Variants in EXOC6B observed in about 807,000 individuals in gnomAD.
EXOC6B encodes SEC15 homolog B.
In EXOC6B, 54 loss-of-function variants were observed where a neutral mutation model predicts 113.5. The observed-to-expected ratio is 0.48, with a 90% CI of 0.38 to 0.60. EXOC6B has a LOEUF of 0.60. Ranked by LOEUF, EXOC6B falls within the 20% of genes least tolerant of loss-of-function variation. EXOC6B has a pLI of 0.00. For missense variants in EXOC6B, 797 were observed against 977.5 expected, an observed-to-expected ratio of 0.82 and a Z score of 2.46; for synonymous variants, 357 against 339.0, an observed-to-expected ratio of 1.05 and a Z score of -0.58.
intron 17 of EXOC6B, among the ~76,000 whole-genome samples, chr2:72,476,093 T>C (rs965881009): frequency 2.6e-5 from 4 of 152,346 alleles, no homozygotes; most frequent in African/African-American, 9.6e-5. Flanking sequence ...TGTGAGCTCC[T>C]TCCCTGGACC....
chr2:72,816,057 G>A (rs1359463809), intron 1 of EXOC6B, among the ~76,000 whole-genome samples: 1 of 152,178 alleles, frequency 6.6e-6, no homozygotes, highest in African/African-American at 2.4e-5. Context: ...TACTCGCCAG[G>A]GTGAGGCAGG....
chr2:72,518,690 AAAG>A (rs963169492), intron 8 of EXOC6B, among the ~76,000 whole-genome samples: 5 of 152,180 alleles, frequency 3.3e-5, no homozygotes, highest in Non-Finnish European at 7.4e-5. Flanking sequence ...TAAGAATCTG[AAAG>A]AAGTTCTCCA....
At chr2:72,493,489 T>A (rs1699871152) in intron 15 of EXOC6B, among the ~76,000 whole-genome samples, 1 of 152,006 alleles carries the variant, frequency 6.6e-6, no homozygotes, top group Non-Finnish European at 1.5e-5. Context: ...ATCAGAAGTG[T>A]TATTACTATG....
At chr2:72,391,111 T>A (rs1454837080) in intron 18 of EXOC6B, among the ~76,000 whole-genome samples, 1 of 152,208 alleles carries the variant, frequency 6.6e-6, no homozygotes, top group Non-Finnish European at 1.5e-5. Context: ...TCTAGGAGAT[T>A]GCTGGGTTTA....
intron 1 of EXOC6B, among the ~76,000 whole-genome samples, chr2:72,819,984 C>G (rs1686492107): frequency 6.6e-6 from 1 of 151,896 alleles, no homozygotes; most frequent in Admixed American, 6.6e-5. Context: ...GTGTCACGAA[C>G]CAAGGATTAT....
intron 7 of EXOC6B, among the ~76,000 whole-genome samples, chr2:72,559,896 A>G (rs1010695352): frequency 6.6e-6 from 1 of 152,236 alleles, no homozygotes; most frequent in African/African-American, 2.4e-5. Flanking sequence ...AAGACATGAT[A>G]GTGTACATAA....
chr2:72,649,526 G>A (rs1372271591), intron 6 of EXOC6B, among the ~76,000 whole-genome samples: 1 of 151,432 alleles, frequency 6.6e-6, no homozygotes, highest in Non-Finnish European at 1.5e-5. Context: ...AATCTGTGCA[G>A]CAGCAAAAGA....
At chr2:72,373,610 A>G (rs1198664054) in intron 19 of EXOC6B, among the ~76,000 whole-genome samples, 2 of 152,218 alleles carry the variant, frequency 1.3e-5, no homozygotes, top group African/African-American at 2.4e-5. Context: ...AAAGAATTGA[A>G]TAACTATTAC....
chr2:72,671,786 A>AGAAAGAAAGAAG (rs1491209459), intron 6 of EXOC6B, among the ~76,000 whole-genome samples: 7 of 117,888 alleles, frequency 5.9e-5, no homozygotes, highest in African/African-American at 3.5e-4. Context: ...AAAGAAAGAA[A>AGAAAGAAAGAAG]GAAAGAAAGA....
At chr2:72,754,376 T>G (rs1269895760) in intron 1 of EXOC6B, among the ~76,000 whole-genome samples, 3 of 152,060 alleles carry the variant, frequency 2.0e-5, no homozygotes, top group Non-Finnish European at 4.4e-5. Context: ...GAGGCATCTT[T>G]TCCCAAATGA....
chr2:72,717,406 G>C (rs1679687392), intron 6 of EXOC6B, among the ~76,000 whole-genome samples: 1 of 151,998 alleles, frequency 6.6e-6, no homozygotes, highest in African/African-American at 2.4e-5. Context: ...TGTTGCTGTA[G>C]GCTACATCAT....
chr2:72,799,770 A>C (rs980496680), intron 1 of EXOC6B, among the ~76,000 whole-genome samples: 1 of 152,198 alleles, frequency 6.6e-6, no homozygotes, highest in African/African-American at 2.4e-5. Context: ...GTTTCTCACT[A>C]TTTTAAAATA....
chr2:72,614,738 C>T (rs969372240), intron 6 of EXOC6B, among the ~76,000 whole-genome samples: 3 of 152,114 alleles, frequency 2.0e-5, no homozygotes, highest in Non-Finnish European at 4.4e-5. Context: ...TAAACTACTG[C>T]AGAACTACAA....
chr2:72,568,966 A>G (rs1704359645), intron 7 of EXOC6B, among the ~76,000 whole-genome samples: 3 of 152,050 alleles, frequency 2.0e-5, no homozygotes, highest in Non-Finnish European at 1.5e-5. Context: ...CCACAAAAAA[A>G]AAAAAAAGAA....
rs767718715 is a variant in EXOC6B at position 72,443,857 on chromosome 2, A to AT, written c.1980+21302dup. 1.3e-4 allele frequency among the ~76,000 whole-genome samples: 20 copies of AT among 152,262 alleles called. 1 individual carries two copies. Among genetic ancestry groups the AT allele is most frequent in the African/African-American group, 4.6e-4 (19 of 41,540 alleles). ...GGAATTACAGGAGCTATAATTCAAGATGAGAGTTGGGTGGGGACACAGCCA... is the reference window on the plus strand; with the variant it reads ...GGAATTACAGGAGCTATAATTCAAGATTGAGAGTTGGGTGGGGACACAGCCA... On this transcript the variant is annotated intron_variant, in intron 18 of 21. Coordinates refer to ENST00000272427, the MANE Select transcript of EXOC6B (RefSeq NM_015189.3).
chr2:72,212,796 A>C (rs1479372606), intron 20 of EXOC6B, among the ~76,000 whole-genome samples: 1 of 152,232 alleles, frequency 6.6e-6, no homozygotes, highest in Non-Finnish European at 1.5e-5. Context: ...CTTAGGTTAA[A>C]TACAAAACAG....
At chr2:72,763,937 C>T (rs1052407048) in intron 1 of EXOC6B, among the ~76,000 whole-genome samples, 5 of 149,188 alleles carry the variant, frequency 3.4e-5, no homozygotes, top group African/African-American at 7.4e-5. Flanking sequence ...AAAAATTAGC[C>T]GGGTGTGGTG....
At position 72,482,115 on chromosome 2, in the gene EXOC6B, T is replaced by C. The variant is rs1699133610; in HGVS notation, c.1666-1365A>G. Reference sequence around the variant, plus strand: ...TCTAAATAACTCTGCCAGTGCCTTTTAGCATAAGCATAATATGGCAGCTCT... The same window carrying C: ...TCTAAATAACTCTGCCAGTGCCTTTCAGCATAAGCATAATATGGCAGCTCT... On this transcript the variant is annotated intron_variant, in intron 16 of 21. Transcript: ENST00000272427. 2.6e-5 allele frequency among the ~76,000 whole-genome samples: 4 copies of C among 152,324 alleles called. No individual in the cohort carries two copies. In the South Asian group the frequency reaches 8.3e-4, roughly 32 times the overall value.
At chr2:72,192,126 G>A (rs1402025567) in intron 20 of EXOC6B, among the ~76,000 whole-genome samples, 1 of 152,102 alleles carries the variant, frequency 6.6e-6, no homozygotes, top group East Asian at 1.9e-4. Context: ...TGGGATATGA[G>A]CCTCATCTCC....
Sources: gnomAD v4.1 joint callset for allele counts (sites outside exome capture counted in the v4.1 genomes callset) on GRCh38, gnomAD v4.1.1 for gene constraint, MANE v1.5 for transcripts, NCBI Gene and HGNC (gene_info 2026-07-23, HGNC 2026-07-21) for gene names.